Variants in FNBP1 observed in about 807,000 individuals in gnomAD.
FNBP1 encodes formin-binding protein 1.
FNBP1 carries 26 observed loss-of-function variants against 90.6 expected under a neutral mutation model. The ratio of observed to expected loss-of-function variants is 0.29; its 90% CI spans 0.21 to 0.40. The LOEUF (loss-of-function observed/expected upper bound fraction) is 0.40. Ranked by LOEUF, FNBP1 falls within the 10% of genes least tolerant of loss-of-function variation. The probability of loss-of-function intolerance (pLI) is 1.00; values close to 1 mark genes in which losing one functional copy is unlikely to be tolerated. For synonymous variants in FNBP1, 260 were observed against 265.2 expected (o/e 0.98, Z 0.19); for missense variants, 635 against 768.0 (o/e 0.83, Z 2.05).
chr9:129,952,275 A>T (rs1022999434), intron 6 of FNBP1, among the ~76,000 whole-genome samples: 1 of 150,868 alleles, frequency 6.6e-6, no homozygotes, highest in African/African-American at 2.4e-5. Flanking sequence ...TGAGGTGGGC[A>T]GATTACCTGA....
intron 11 of FNBP1, 29 bp from the exon 12 acceptor site, chr9:129,909,028 A>C: frequency 1.3e-6 from 2 of 1,504,140 alleles, no homozygotes; most frequent in Non-Finnish European, 1.8e-6. Flanking sequence ...ATGAGAAACC[A>C]GAAAGCCCCA....
At chr9:130,049,351 T>C in the FNBP1 span, among the ~76,000 whole-genome samples, 1 of 151,974 alleles carries the variant, frequency 6.6e-6, no homozygotes, top group Non-Finnish European at 1.5e-5. Flanking sequence ...ATCATGCCAC[T>C]GCACTCCTGA....
At chr9:129,984,554 C>T (rs925851987) in intron 2 of FNBP1, among the ~76,000 whole-genome samples, 5 of 152,260 alleles carry the variant, frequency 3.3e-5, no homozygotes, top group East Asian at 1.9e-4. Flanking sequence ...GCTCACCCCC[C>T]GGAGGTCCAC....
chr9:129,929,826 T>G, intron 6 of FNBP1, 131 bp from the exon 7 acceptor site: 1 of 758,436 alleles, frequency 1.3e-6, no homozygotes, highest in Non-Finnish European at 2.1e-6. Flanking sequence ...ATTCCGCGGG[T>G]GCTTTTTAAT....
chr9:129,947,399 C>G (rs2045466311), intron 6 of FNBP1, among the ~76,000 whole-genome samples: 1 of 146,254 alleles, frequency 6.8e-6, no homozygotes, highest in Admixed American at 6.9e-5. Context: ...GAGATCGCGC[C>G]ATTGCACTCC....
intron 1 of FNBP1, among the ~76,000 whole-genome samples, chr9:130,009,497 C>T (rs2056251428): frequency 6.6e-6 from 1 of 151,818 alleles, no homozygotes; most frequent in Non-Finnish European, 1.5e-5. Flanking sequence ...TCTACTAAAC[C>T]TCATTTCTAC....
intron 16 of FNBP1, among the ~76,000 whole-genome samples, chr9:129,893,633 A>AAAAAAAAAAAAAAAAAAAAC (rs2035343008): frequency 7.2e-6 from 1 of 138,162 alleles, no homozygotes. Context: ...AAAAAAAAAA[A>AAAAAAAAAAAAAAAAAAAAC]AAAAGCCAGG....
intron 4 of FNBP1, among the ~76,000 whole-genome samples, chr9:129,968,003 G>A (rs577909396): frequency 5.3e-5 from 8 of 151,304 alleles, no homozygotes; most frequent in Non-Finnish European, 1.0e-4. Flanking sequence ...TTTTTGGCGG[G>A]GGGGTCACCA....
chr9:129,915,275 A>G (rs113006785), intron 11 of FNBP1, among the ~76,000 whole-genome samples: 1 of 151,936 alleles, frequency 6.6e-6, no homozygotes. Flanking sequence ...ATCTACTTCT[A>G]TGGTTCTCTA....
At chr9:129,939,550 G>A (rs935944714) in intron 6 of FNBP1, among the ~76,000 whole-genome samples, 9 of 152,134 alleles carry the variant, frequency 5.9e-5, no homozygotes, top group African/African-American at 9.7e-5. Context: ...TGTGACCACA[G>A]AAGACCAGGA....
intron 1 of FNBP1, among the ~76,000 whole-genome samples, chr9:129,995,300 G>A (rs767924486): frequency 2.0e-5 from 3 of 152,116 alleles, no homozygotes; most frequent in African/African-American, 4.8e-5. Flanking sequence ...AGCCACACAC[G>A]GTTTGCACCT....
At chr9:129,941,337 C>T (rs2044293557) in intron 6 of FNBP1, among the ~76,000 whole-genome samples, 1 of 151,966 alleles carries the variant, frequency 6.6e-6, no homozygotes, top group Non-Finnish European at 1.5e-5. Context: ...TGCAGTGAGC[C>T]AAGACTGCGT....
chr9:129,979,855 C>T lies in FNBP1; in HGVS notation c.141-481G>A, dbSNP rs938870601. ...ATGGGGTGTCATCATGTTGGTCAGG[C>T]TAGTCTCGAACTCCAGACCTCAAAT... On this transcript the variant is annotated intron_variant, in intron 2 of 16. Transcript: ENST00000446176. Among the ~76,000 whole-genome samples, 5 of 151,632 alleles carry T rather than the reference C, an allele frequency of 3.3e-5. No individual in the cohort carries two copies. The East Asian group carries it at 9.9e-4, about 30-fold the overall frequency.
intron 4 of FNBP1, among the ~76,000 whole-genome samples, chr9:129,971,605 G>A (rs1357500989): frequency 1.3e-5 from 2 of 151,988 alleles, no homozygotes; most frequent in African/African-American, 2.4e-5. Flanking sequence ...CGGCCAGGCT[G>A]GTCTCAAACT....
rs2041875412 is a variant in FNBP1, at chr9:129,926,140, T to G, written c.790-983A>C. Among the ~76,000 whole-genome samples the G allele has an allele frequency of 2.6e-5, 4 of 151,566 alleles. No homozygotes were observed. The South Asian group carries it at 8.3e-4, about 32-fold the overall frequency. ...GGGCATACCACCACACCCAGCTAAT[T>G]TTTGTATTTTTAGTAGAGATGTGGT... is the stretch of plus-strand genomic sequence containing the variant. On this transcript the variant is annotated intron_variant, in intron 8 of 16. Transcript: ENST00000446176.
chr9:129,949,524 C>T (rs752100398), intron 6 of FNBP1, among the ~76,000 whole-genome samples: 9 of 152,102 alleles, frequency 5.9e-5, no homozygotes, highest in African/African-American at 1.2e-4. Context: ...AATGCCAAAG[C>T]GTACCGAAGT....
At position 129,891,155 on chromosome 9, in the gene FNBP1, A is replaced by C. The variant is rs144436069; in HGVS notation, c.1847-609T>G. 1.6e-3 allele frequency among the ~76,000 whole-genome samples: 243 copies of C among 148,286 alleles called. 1 individual carries two copies. Among genetic ancestry groups the C allele is most frequent in the African/African-American group, 3.1e-3 (124 of 40,532 alleles). ...GGACAACAGAGCAAGACTCCGTCTT[A>C]AAAAAAAAAAAAAGGAAACGGAGGT... On this transcript the variant is annotated intron_variant, in intron 16 of 16. Transcript: ENST00000446176.
intron 15 of FNBP1, among the ~76,000 whole-genome samples, chr9:129,898,959 A>G (rs1287631218): frequency 1.3e-5 from 2 of 152,164 alleles, no homozygotes; most frequent in African/African-American, 4.8e-5. Context: ...GCAGTGAAGC[A>G]AGCTCTCTGG....
At chr9:129,902,624 C>A (rs2037169603) in intron 13 of FNBP1, among the ~76,000 whole-genome samples, 4 of 152,084 alleles carry the variant, frequency 2.6e-5, no homozygotes, top group Admixed American at 6.6e-5. Context: ...CAACCCCGCA[C>A]CGTATACAGA....
Sources: allele counts gnomAD v4.1 joint callset (sites outside exome capture counted in the v4.1 genomes callset), GRCh38; gene constraint gnomAD v4.1.1; transcripts MANE v1.5; gene names NCBI Gene and HGNC (gene_info 2026-07-23, HGNC 2026-07-21).